The following C2CD4D variants were observed in gnomAD, a reference collection of about 807,000 sequenced individuals.
The protein encoded by C2CD4D is C2 calcium dependent domain containing 4D, also known as C2 calcium-dependent domain-containing protein 4D.
Under a neutral mutation model 0.2 loss-of-function variants are expected in C2CD4D, and 1 was observed. That is an observed-to-expected ratio of 4.00 (90% CI 1.42 to 18.99). The LOEUF (loss-of-function observed/expected upper bound fraction) is 18.99. Ranked by LOEUF, C2CD4D falls within the 30% of genes most tolerant of loss-of-function variation. C2CD4D has a pLI of 0.11. For synonymous variants in C2CD4D, 269 were observed against 279.8 expected (o/e 0.96, Z 0.39); for missense variants, 552 against 551.2 (o/e 1.00, Z -0.01).
Position 151,838,855 on chromosome 1 carries a change from CG to C in C2CD4D, c.134del (p.Pro45ArgfsTer194). 3 of 1,527,894 alleles carry C rather than the reference CG, an allele frequency of 2.0e-6. No individual in the cohort carries two copies. Among genetic ancestry groups the C allele is most frequent in the Non-Finnish European group, 2.6e-6 (3 of 1,136,980 alleles). 94.6% of individuals were successfully genotyped at this position (1,527,894 alleles called of 1,614,324 possible). The stretch of plus-strand genomic sequence containing the variant: ...GGATGAAGAACTGCGGGATGCGATC[CG>C]GGGTGAGGACGTTGGGGCAGGCGCT... On this transcript the variant is annotated frameshift_variant, in exon 2 of 2. Coordinates refer to ENST00000454109, the Ensembl canonical transcript of C2CD4D. LOFTEE classifies it low-confidence loss of function (END_TRUNC).
At chr1:151,838,231 G>A (rs1287006219) in exon 2 of C2CD4D, 2 of 1,423,108 alleles carry the variant, frequency 1.4e-6, no homozygotes, top group South Asian at 1.6e-5. Flanking sequence ...CGCCGCCGCC[G>A]CTCCCGGGGC....
At chr1:151,839,034 G>T in exon 2 of C2CD4D, 3 of 1,542,854 alleles carry the variant, frequency 1.9e-6, no homozygotes, top group Non-Finnish European at 2.6e-6. Flanking sequence ...AGGGCCGAGA[G>T]GGTCCAAATC....
exon 2 of C2CD4D, chr1:151,838,774 C>A: frequency 1.5e-6 from 2 of 1,345,780 alleles, no homozygotes; most frequent in Non-Finnish European, 9.5e-7. Context: ...GGCCGCGCCC[C>A]GCCACGTGCC....
exon 2 of C2CD4D, chr1:151,838,477 T>C: frequency 7.2e-7 from 1 of 1,396,602 alleles, no homozygotes; most frequent in South Asian, 1.6e-5. Flanking sequence ...TCGCTTTTTC[T>C]GGGGACAGAG....
exon 1 of C2CD4D, chr1:151,840,448 A>G (rs1487810410): frequency 2.0e-5 from 3 of 152,334 alleles, no homozygotes; most frequent in Non-Finnish European, 4.4e-5. Context: ...CATCTTCTGT[A>G]AAACCCTCCT....
exon 2 of C2CD4D, chr1:151,838,190 C>T: frequency 1.3e-6 from 2 of 1,549,500 alleles, no homozygotes; most frequent in Non-Finnish European, 1.7e-6. Context: ...CGGCCGGACG[C>T]GGGGCCGCAG....
exon 1 of C2CD4D, chr1:151,840,422 C>T (rs575799176): frequency 6.6e-6 from 1 of 152,332 alleles, no homozygotes; most frequent in Non-Finnish European, 1.5e-5. Context: ...CAACCCCAGC[C>T]CTCACAGGTG....
At chr1:151,838,431 C>T in exon 2 of C2CD4D, 2 of 1,419,126 alleles carry the variant, frequency 1.4e-6, no homozygotes, top group South Asian at 1.5e-5. Context: ...GGCGGCCCGG[C>T]GCGGCGCGGC....
At chr1:151,838,660 C>G in exon 2 of C2CD4D, 5 of 1,363,074 alleles carry the variant, frequency 3.7e-6, no homozygotes, top group Non-Finnish European at 4.7e-6. Flanking sequence ...GGGCAGGTGG[C>G]GGCCCGTGGA....
intron 1 of C2CD4D, 126 bp from the exon 2 acceptor site, chr1:151,839,346 C>A: frequency 3.3e-6 from 1 of 300,386 alleles, no homozygotes; most frequent in Non-Finnish European, 6.2e-6. Context: ...GTTAGAGGGC[C>A]CATATAGTAT....
chr1:151,837,966 GACCTAGTCCCCC>G lies in C2CD4D; in HGVS notation c.1012_1023del (p.Gly338_Gly341del), dbSNP rs1558175524. ...TGGGTGGGCGCCAGGGATGACCCGG[GACCTAGTCCCCC>G]ACCCAGCGGGGGCAGCAGCGCAATG... is the stretch of plus-strand genomic sequence containing the variant. On this transcript the variant is annotated inframe_deletion, in exon 2 of 2. Coordinates refer to ENST00000454109, the Ensembl canonical transcript of C2CD4D. The G allele has an allele frequency of 3.2e-6, 5 of 1,548,140 alleles. No individual in the cohort carries two copies. In the Admixed American group the frequency reaches 7.9e-5, roughly 24 times the overall value.
rs1340808022 is a variant in C2CD4D at position 151,838,671 on chromosome 1, A to C, written c.319T>G (p.Phe107Val). 5.0e-5 allele frequency: 68 copies of C among 1,371,794 alleles called. No individual in the cohort carries two copies. The highest frequency in any genetic ancestry group is 6.3e-5 in the Non-Finnish European group (67 of 1,064,280). 85.0% of individuals were successfully genotyped at this position (1,371,794 alleles called of 1,614,324 possible). A position where few individuals can be genotyped will look rare whatever the true frequency, so the allele number is the denominator to read the frequency against. ...GCCGGGGCAGGTGGCGGCCCGTGGA[A>C]CAGGGATTCCCGCCGGCGCGTGTGC... Residue 107 changes from phenylalanine to valine, a missense_variant, in exon 2 of 2, where the codon TTC (phenylalanine) becomes GTC (valine). Physicochemically the swap from Phe to Val is conservative, Grantham distance 50. Coordinates refer to ENST00000454109, the Ensembl canonical transcript of C2CD4D.
chr1:151,838,581 C>A, exon 2 of C2CD4D: 1 of 1,316,230 alleles, frequency 7.6e-7, no homozygotes, highest in Non-Finnish European at 9.6e-7. Flanking sequence ...CTGTCGGGGG[C>A]CCGGCAGAGG....
exon 2 of C2CD4D, chr1:151,838,346 C>T: frequency 2.1e-6 from 3 of 1,422,036 alleles, no homozygotes; most frequent in Non-Finnish European, 1.8e-6. Flanking sequence ...GCCGCGGGGC[C>T]CCAGGCGCAG....
chr1:151,838,326 G>C, exon 2 of C2CD4D: 1 of 1,410,652 alleles, frequency 7.1e-7, no homozygotes, highest in Non-Finnish European at 9.3e-7. Flanking sequence ...GTGGAGAGCC[G>C]CAGCTGCCCG....
chr1:151,838,822 C>G, exon 2 of C2CD4D: 1 of 1,445,912 alleles, frequency 6.9e-7, no homozygotes, highest in South Asian at 1.4e-5. Flanking sequence ...GGTCCGGGAG[C>G]CGAGGCGGGA....
exon 2 of C2CD4D, chr1:151,837,829 G>A: frequency 2.1e-6 from 3 of 1,436,310 alleles, no homozygotes; most frequent in South Asian, 3.0e-5. Context: ...AAGGACAAGG[G>A]GACATTTTAT....
rs1037184444 is a variant in C2CD4D at position 151,838,374 on chromosome 1, G to A, written c.616C>T (p.Pro206Ser). Residue 206 changes from proline (P) to serine (S), a missense_variant, in exon 2 of 2, where the codon CCC becomes TCC. Pro to Ser is a moderately conservative substitution (Grantham distance 74). Coordinates refer to ENST00000454109, the Ensembl canonical transcript of C2CD4D. ...AGGCGCAGCACGCTCTCGCGCGTGGGCCGCAGCTGGCAGCACAGGAAGTCC... is the reference window on the plus strand; with the variant it reads ...AGGCGCAGCACGCTCTCGCGCGTGGACCGCAGCTGGCAGCACAGGAAGTCC... 1.4e-6 allele frequency: 2 copies of A among 1,434,406 alleles called. No individual in the cohort carries two copies. Among genetic ancestry groups the A allele is most frequent in the African/African-American group, 1.5e-5 (1 of 66,880 alleles). 88.9% of individuals were successfully genotyped at this position (1,434,406 alleles called of 1,614,324 possible).
intron 1 of C2CD4D, 128 bp from the exon 2 acceptor site, chr1:151,839,348 A>G (rs1324561849): frequency 3.4e-6 from 1 of 293,496 alleles, no homozygotes; most frequent in Non-Finnish European, 6.4e-6. Context: ...TAGAGGGCCC[A>G]TATAGTATCC....
Sources: gnomAD v4.1 joint callset for allele counts on GRCh38, gnomAD v4.1.1 for gene constraint, MANE v1.5 for transcripts, NCBI Gene and HGNC (gene_info 2026-07-23, HGNC 2026-07-21) for gene names.